The following AAK1 variants were observed in gnomAD, a reference collection of about 807,000 sequenced individuals.
AAK1 encodes the protein AP2 associated kinase 1, also known as AP2-associated protein kinase 1.
AAK1 carries 37 observed loss-of-function variants against 116.0 expected under a neutral mutation model. The ratio of observed to expected loss-of-function variants is 0.32; its 90% CI spans 0.25 to 0.42. The LOEUF (loss-of-function observed/expected upper bound fraction) is 0.42, where lower values mean the gene tolerates loss of function less well. Ranked by LOEUF, AAK1 falls within the 10% of genes least tolerant of loss-of-function variation. The probability of loss-of-function intolerance (pLI) is 1.00; values close to 1 mark genes in which losing one functional copy is unlikely to be tolerated. For synonymous variants in AAK1, 458 were observed against 439.9 expected, an observed-to-expected ratio of 1.04 and a Z score of -0.51; for missense variants, 919 against 1,170.6, an observed-to-expected ratio of 0.79 and a Z score of 3.14.
chr2:69,640,358 A>C (rs1176280125), intron 2 of AAK1, among the ~76,000 whole-genome samples: 1 of 152,126 alleles, frequency 6.6e-6, no homozygotes, highest in East Asian at 1.9e-4. Flanking sequence ...TGCCACAGGG[A>C]AACAGAGATT....
chr2:69,597,729 T>G (rs1178448826), intron 2 of AAK1: 1 of 152,192 alleles, frequency 6.6e-6, no homozygotes, highest in Non-Finnish European at 1.5e-5. Flanking sequence ...AATTTTTTTT[T>G]TAAACAGCCA....
At chr2:69,638,060 G>T (rs1458324736) in intron 2 of AAK1, among the ~76,000 whole-genome samples, 1 of 152,184 alleles carries the variant, frequency 6.6e-6, no homozygotes, top group African/African-American at 2.4e-5. Context: ...AAGCCAGGAA[G>T]AAGACACCAT....
At chr2:69,549,859 A>G (rs1453646138) in intron 3 of AAK1, among the ~76,000 whole-genome samples, 1 of 152,190 alleles carries the variant, frequency 6.6e-6, no homozygotes, top group African/African-American at 2.4e-5. Flanking sequence ...ATTTATAAGA[A>G]CCATTTTGGA....
intron 2 of AAK1, among the ~76,000 whole-genome samples, chr2:69,604,399 T>C (rs1034544361): frequency 1.3e-5 from 2 of 152,198 alleles, no homozygotes; most frequent in African/African-American, 4.8e-5. Flanking sequence ...GCAGCCAAGC[T>C]TCCATGTGGC....
In AAK1 at chr2:69,466,959, G is replaced by A; in HGVS notation, c.*8910C>T. On this transcript the variant is annotated 3_prime_UTR_variant, in exon 22 of 22. Transcript: ENST00000409085. Reference sequence around the variant, plus strand: ...GGATTATGTAGAAACACTGTCTGGGGATGACTCAATTCAGAATCTGGCATG... The same window carrying A: ...GGATTATGTAGAAACACTGTCTGGGAATGACTCAATTCAGAATCTGGCATG... 1 of 985,428 alleles carries A rather than the reference G, an allele frequency of 1.0e-6. No individual in the cohort carries two copies. The highest frequency in any genetic ancestry group is 1.2e-6 in the Non-Finnish European group (1 of 829,928). 61.0% of individuals were successfully genotyped at this position (985,428 alleles called of 1,614,324 possible). A position where few individuals can be genotyped will look rare whatever the true frequency, so the allele number is the denominator to read the frequency against.
chr2:69,489,144 C>T (rs1013620552), intron 17 of AAK1, among the ~76,000 whole-genome samples: 1 of 151,264 alleles, frequency 6.6e-6, no homozygotes, highest in Non-Finnish European at 1.5e-5. Flanking sequence ...CCATATCCAG[C>T]CCCTCTCCTA....
At chr2:69,606,074 T>C (rs1673785198) in intron 2 of AAK1, among the ~76,000 whole-genome samples, 1 of 152,226 alleles carries the variant, frequency 6.6e-6, no homozygotes, top group African/African-American at 2.4e-5. Flanking sequence ...TTGCTCATGT[T>C]GTTCCTATGT....
At chr2:69,544,217 C>T (rs1372168923) in intron 4 of AAK1, 2 of 480,668 alleles carry the variant, frequency 4.2e-6, no homozygotes, top group Non-Finnish European at 7.4e-6. Context: ...AACACCAAAC[C>T]TTCCCAAACC....
In AAK1 at chr2:69,544,381, T is replaced by C. The variant is rs1223338076; in HGVS notation, c.391+55A>G. 12 of 1,413,728 alleles carry C rather than the reference T, an allele frequency of 8.5e-6. No individual in the cohort carries two copies. The East Asian group carries it at 2.3e-4, about 27-fold the overall frequency. The allele number at this position is 1,413,728 out of a possible 1,614,324, so 87.6% of individuals were successfully genotyped here. The stretch of plus-strand genomic sequence containing the variant: ...TTAAGTGAAATGACCACCCTAACCA[T>C]GACAATCAAAATGCTAGAGAAATGA... On this transcript the variant is annotated intron_variant, in intron 4 of 21. Transcript: ENST00000409085.
chr2:69,643,539 C>T, intron 1 of AAK1, 36 bp downstream of exon 1: 1 of 1,227,420 alleles, frequency 8.1e-7, no homozygotes, highest in Non-Finnish European at 1.0e-6. Context: ...CGGGTCTCCC[C>T]GCCGCCCCTC....
At chr2:69,514,793 A>G in intron 12 of AAK1, 44 bp from the exon 13 acceptor site, 1 of 1,500,148 alleles carries the variant, frequency 6.7e-7, no homozygotes, top group Non-Finnish European at 8.9e-7. Flanking sequence ...GTCCCAGAAT[A>G]ATAGTCACAA....
chr2:69,525,707 C>T (rs932137415), intron 9 of AAK1, among the ~76,000 whole-genome samples: 1 of 152,138 alleles, frequency 6.6e-6, no homozygotes, highest in African/African-American at 2.4e-5. Context: ...TCTAATAATG[C>T]CTCATGAGGG....
intron 11 of AAK1, among the ~76,000 whole-genome samples, chr2:69,520,374 T>TTTTTTG (rs1485052134): frequency 6.6e-6 from 1 of 150,704 alleles, no homozygotes; most frequent in African/African-American, 2.4e-5. Context: ...TTTTTTTTTT[T>TTTTTTG]TTTGAAGCGG....
intron 2 of AAK1, among the ~76,000 whole-genome samples, chr2:69,627,214 A>G (rs868116839): frequency 2.6e-5 from 4 of 151,444 alleles, no homozygotes; most frequent in African/African-American, 9.7e-5. Flanking sequence ...GCTTGAACCC[A>G]GGAGACGGAG....
At chr2:69,522,733 G>A (rs967459714) in intron 10 of AAK1, among the ~76,000 whole-genome samples, 7 of 152,004 alleles carry the variant, frequency 4.6e-5, no homozygotes, top group African/African-American at 1.7e-4. Context: ...GAACCCGGGA[G>A]GCAGAGGTTG....
At chr2:69,612,116 G>A (rs1259154016) in intron 2 of AAK1, among the ~76,000 whole-genome samples, 1 of 152,196 alleles carries the variant, frequency 6.6e-6, no homozygotes, top group African/African-American at 2.4e-5. Context: ...TGCACGTTGT[G>A]CACATGTACC....
rs1674748893 is a variant in AAK1 at position 69,473,515 on chromosome 2, T to C, written c.*2354A>G. ...GACAATTTCTTGTCATTATCTCCCT[T>C]AGGCTTCTACTGCCGTCTCTGGCTT... On this transcript the variant is annotated 3_prime_UTR_variant, in exon 22 of 22. Transcript: ENST00000409085. The C allele has an allele frequency of 1.0e-6, 1 of 985,480 alleles. No homozygotes were observed. Among genetic ancestry groups the C allele is most frequent in the East Asian group, 1.1e-4 (1 of 8,822 alleles). 61.0% of individuals were successfully genotyped at this position (985,480 alleles called of 1,614,324 possible). A position where few individuals can be genotyped will look rare whatever the true frequency, so the allele number is the denominator to read the frequency against.
Position 69,466,837 on chromosome 2 carries a change from C to T in AAK1, c.*9032G>A. On this transcript the variant is annotated 3_prime_UTR_variant, in exon 22 of 22. Coordinates refer to ENST00000409085, the MANE Select transcript of AAK1 (RefSeq NM_014911.5). ...CGTAACTATGCAATGCTCCTACACA[C>T]AGGGCCAGGCACGGACACCTGCTCT... 5 of 985,414 alleles carry T rather than the reference C, an allele frequency of 5.1e-6. No individual in the cohort carries two copies. The highest frequency in any genetic ancestry group is 6.0e-6 in the Non-Finnish European group (5 of 829,934). The allele number at this position is 985,414 out of a possible 1,614,324, so 61.0% of individuals were successfully genotyped here. A position where few individuals can be genotyped will look rare whatever the true frequency, so the allele number is the denominator to read the frequency against.
intron 2 of AAK1, chr2:69,597,986 G>A: frequency 3.1e-6 from 1 of 326,976 alleles, no homozygotes; most frequent in Non-Finnish European, 5.5e-6. Context: ...AGTGTTGGTG[G>A]AGATAAGAGA....
Sources: allele counts gnomAD v4.1 joint callset (sites outside exome capture counted in the v4.1 genomes callset), GRCh38; gene constraint gnomAD v4.1.1; transcripts MANE v1.5; gene names NCBI Gene and HGNC (gene_info 2026-07-23, HGNC 2026-07-21).